CYP4X1: variants seen among roughly 807,000 people sequenced by gnomAD.
The protein encoded by CYP4X1 is cytochrome P450 4X1.
CYP4X1 carries 44 observed loss-of-function variants against 57.9 expected under a neutral mutation model. The ratio of observed to expected loss-of-function variants is 0.76; its 90% CI spans 0.60 to 0.98. The LOEUF is 0.98. Ranked by LOEUF, CYP4X1 falls within the 50% of genes least tolerant of loss-of-function variation. CYP4X1 has a pLI of 0.00. For missense variants in CYP4X1, 532 were observed against 623.9 expected (o/e 0.85, Z 1.57); for synonymous variants, 227 against 228.6 (o/e 0.99, Z 0.06).
chr1:46,965,347 C>T, the CYP4X1 span, among the ~76,000 whole-genome samples: 8 of 152,346 alleles, frequency 5.3e-5, no homozygotes, highest in African/African-American at 9.6e-5. Context: ...GCATTGCTCA[C>T]GCTGGGAGCT....
At chr1:46,979,383 G>A in the CYP4X1 span, among the ~76,000 whole-genome samples, 1 of 152,122 alleles carries the variant, frequency 6.6e-6, no homozygotes, top group Admixed American at 6.6e-5. Context: ...TAGAAGACAT[G>A]GATAAATTCC....
the CYP4X1 span, among the ~76,000 whole-genome samples, chr1:46,980,201 T>C: frequency 6.6e-6 from 1 of 152,074 alleles, no homozygotes; most frequent in Non-Finnish European, 1.5e-5. Context: ...CTGTTTGCAG[T>C]TGACATGATT....
chr1:47,039,510 G>A lies in CYP4X1; in HGVS notation c.1051G>A (p.Gly351Arg). ...RCREEVRGIL[G>R]DGSSITWDQL... ...CCGGGAGGAGGTCAGGGGCATCCTG[G>A]GGGATGGGTCTTCTATCACTTGGTA... The change falls in exon 8 of 12, where the codon GGG becomes AGG. Residue 351 changes from glycine to arginine, a missense_variant. Transcript: ENST00000371901. 6.2e-7 allele frequency: 1 copy of A among 1,609,458 alleles called. No individual in the cohort carries two copies.
the CYP4X1 span, among the ~76,000 whole-genome samples, chr1:46,976,133 A>T: frequency 6.6e-6 from 1 of 152,174 alleles, no homozygotes; most frequent in Admixed American, 6.5e-5. Context: ...CAAGCCAAAG[A>T]AGGGTGGGGC....
intron 1 of CYP4X1, among the ~76,000 whole-genome samples, chr1:47,024,656 C>T (rs1644042821): frequency 2.0e-5 from 3 of 152,118 alleles, no homozygotes; most frequent in East Asian, 1.9e-4. Flanking sequence ...CCTGCACCAC[C>T]CAAGTCAGGT....
chr1:47,043,465 C>T (rs1486254320), intron 8 of CYP4X1, among the ~76,000 whole-genome samples: 3 of 151,970 alleles, frequency 2.0e-5, no homozygotes, highest in African/African-American at 7.3e-5. Context: ...TTAATTAAGT[C>T]CCACCTATTT....
At chr1:46,977,074 A>G in the CYP4X1 span, among the ~76,000 whole-genome samples, 1 of 152,212 alleles carries the variant, frequency 6.6e-6, no homozygotes, top group Non-Finnish European at 1.5e-5. Flanking sequence ...TCTCCTCCAA[A>G]GGATCACAGC....
chr1:47,004,212 G>A, the CYP4X1 span, among the ~76,000 whole-genome samples: 1 of 152,164 alleles, frequency 6.6e-6, no homozygotes, highest in Admixed American at 6.5e-5. Context: ...GCTCGGGGCC[G>A]CTCCCATCTT....
upstream of CYP4X1, among the ~76,000 whole-genome samples, chr1:47,021,612 A>G (rs186496747): frequency 6.6e-6 from 1 of 152,350 alleles, no homozygotes; most frequent in East Asian, 1.9e-4. Context: ...CCTGAACTTC[A>G]AGCCTCTTCA....
chr1:47,023,949 C>T lies in CYP4X1; in HGVS notation c.132C>T (p.Arg44=), dbSNP rs757338909. 4 of 1,613,240 alleles carry T rather than the reference C, an allele frequency of 2.5e-6. No individual in the cohort carries two copies. The Middle Eastern group carries it at 5.4e-4, about 219-fold the overall frequency. The change falls in exon 1 of 12, where the codon CGC becomes CGT. Residue 44 remains arginine (R), a synonymous_variant. Coordinates refer to ENST00000371901, the MANE Select transcript of CYP4X1 (RefSeq NM_178033.2). ...LRRQRLLRDL[R]PFPAPPTHWF... is the part of the protein sequence containing the mutation. ...GGCAGCGGCTGCTGCGGGACCTGCGCCCCTTCCCAGCGCCCCCCACCCACT... is the reference window on the plus strand; with the variant it reads ...GGCAGCGGCTGCTGCGGGACCTGCGTCCCTTCCCAGCGCCCCCCACCCACT...
At chr1:47,023,017 A>C (rs1644015211), upstream of CYP4X1, among the ~76,000 whole-genome samples, 1 of 152,212 alleles carries the variant, frequency 6.6e-6, no homozygotes, top group South Asian at 2.1e-4. Flanking sequence ...TGGCATCTAG[A>C]GTCAGCCCTT....
At chr1:47,017,400 G>A in the CYP4X1 span, among the ~76,000 whole-genome samples, 8 of 151,302 alleles carry the variant, frequency 5.3e-5, no homozygotes, top group African/African-American at 1.9e-4. Flanking sequence ...CTGTAGGCTG[G>A]TGGTTAAAGA....
chr1:47,049,979 T>C lies in CYP4X1; in HGVS notation c.1356-21T>C, dbSNP rs547558164. On this transcript the variant is annotated intron_variant, in intron 11 of 11. Transcript: ENST00000371901. Reference sequence around the variant, plus strand: ...AAACATCATTTTTTCAAGTATCACTTTCTTTCCCTCTTGTCTTCAGGAACT... The same window carrying C: ...AAACATCATTTTTTCAAGTATCACTCTCTTTCCCTCTTGTCTTCAGGAACT... The C allele has an allele frequency of 1.1e-5, 18 of 1,608,300 alleles. No homozygotes were observed. The East Asian group carries it at 4.0e-4, about 36-fold the overall frequency.
chr1:47,043,365 G>T (rs975409861), intron 8 of CYP4X1, among the ~76,000 whole-genome samples: 1 of 152,080 alleles, frequency 6.6e-6, no homozygotes, highest in African/African-American at 2.4e-5. Flanking sequence ...ACCTTTGTTG[G>T]ATGTGTAGGT....
At chr1:47,016,059 T>C in the CYP4X1 span, among the ~76,000 whole-genome samples, 4 of 152,146 alleles carry the variant, frequency 2.6e-5, no homozygotes, top group East Asian at 7.7e-4. Context: ...ATATCTCCAT[T>C]TCTTCATTGT....
At chr1:47,010,891 T>C in the CYP4X1 span, among the ~76,000 whole-genome samples, 2 of 152,090 alleles carry the variant, frequency 1.3e-5, no homozygotes, top group Non-Finnish European at 2.9e-5. Flanking sequence ...CAAACCACTG[T>C]TCAATGAAAT....
intron 8 of CYP4X1, among the ~76,000 whole-genome samples, chr1:47,041,959 G>A (rs1644251192): frequency 6.6e-6 from 1 of 151,952 alleles, no homozygotes; most frequent in Non-Finnish European, 1.5e-5. Flanking sequence ...TTTTGTATAT[G>A]GAGTGAGATA....
chr1:47,026,381 A>C, intron 1 of CYP4X1, among the ~76,000 whole-genome samples: 1 of 152,310 alleles, frequency 6.6e-6, no homozygotes, highest in East Asian at 1.9e-4. Context: ...ACAAATATTA[A>C]AAATTATAAA....
At position 47,039,443 on chromosome 1, in the gene CYP4X1, C is replaced by T. The variant is rs991608173; in HGVS notation, c.984C>T (p.Ile328=). The T allele has an allele frequency of 6.2e-7, 1 of 1,613,680 alleles. No homozygotes were observed. Reference sequence around the variant, plus strand: ...CCTTGGCAGCAAGCATCTCCTGGATCCTTTACTGCCTGGCTCTGAACCCTG... The same window carrying T: ...CCTTGGCAGCAAGCATCTCCTGGATTCTTTACTGCCTGGCTCTGAACCCTG... ...HDTLAASISW[I]LYCLALNPEH... is the part of the protein sequence containing the mutation. Residue 328 remains isoleucine (I), a synonymous_variant, in exon 8 of 12, where the codon ATC becomes ATT. Transcript: ENST00000371901.
Sources: allele counts gnomAD v4.1 joint callset (sites outside exome capture counted in the v4.1 genomes callset), GRCh38; gene constraint gnomAD v4.1.1; transcripts MANE v1.5; gene names NCBI Gene and HGNC (gene_info 2026-07-23, HGNC 2026-07-21).